The following TFDP2 variants were observed in gnomAD, a reference collection of about 807,000 sequenced individuals.
The protein encoded by TFDP2 is transcription factor Dp-2.
A neutral mutation model predicts 59.3 loss-of-function variants in TFDP2; 17 were observed. The ratio of observed to expected loss-of-function variants is 0.29; its 90% CI spans 0.20 to 0.43. The LOEUF is 0.43. Among genes scored for constraint, TFDP2 ranks in the 20% least tolerant of loss-of-function variants. The pLI is 1.00. For synonymous variants in TFDP2, 180 were observed against 194.7 expected (o/e 0.92, Z 0.63); for missense variants, 391 against 528.8 (o/e 0.74, Z 2.56).
At chr3:142,095,992 T>G (rs988791525) in intron 2 of TFDP2, among the ~76,000 whole-genome samples, 1 of 152,186 alleles carries the variant, frequency 6.6e-6, no homozygotes, top group African/African-American at 2.4e-5. Context: ...AAACCACATA[T>G]TCATAATAGA....
intron 3 of TFDP2, among the ~76,000 whole-genome samples, chr3:142,041,965 A>G (rs1377713099): frequency 6.6e-6 from 1 of 152,134 alleles, no homozygotes; most frequent in Non-Finnish European, 1.5e-5. Flanking sequence ...TCAGGTGACT[A>G]TATTTGGGTG....
rs192120338 is a variant in TFDP2 at position 141,959,738 on chromosome 3, G to C, written c.987C>G (p.Cys329Trp). ...GMSFGLESGK[C>W]SLEDLKLAKS... ...TCGCAAGTTTCAGATCCTCCAGAGA[G>C]CATTTGCCTGACTCCAGGCCAAACG... Residue 329 changes from cysteine (C) to tryptophan (W), a missense_variant, in exon 11 of 13, where the codon TGC (cysteine) becomes TGG (tryptophan). Coordinates refer to ENST00000489671, the MANE Select transcript of TFDP2 (RefSeq NM_001178139.2). 4 of 1,614,142 alleles carry C rather than the reference G, an allele frequency of 2.5e-6. No homozygotes were observed. In the African/African-American group the frequency reaches 5.3e-5, roughly 22 times the overall value.
chr3:142,053,267 T>C (rs1413563589), intron 3 of TFDP2, among the ~76,000 whole-genome samples: 1 of 152,128 alleles, frequency 6.6e-6, no homozygotes. Flanking sequence ...GTTTGGGTCA[T>C]GGGGGAGGAT....
chr3:141,983,047 A>G (rs185756516), intron 6 of TFDP2, among the ~76,000 whole-genome samples: 1 of 152,348 alleles, frequency 6.6e-6, no homozygotes, highest in East Asian at 1.9e-4. Context: ...TAGAATTTTC[A>G]TAAGCAATAT....
chr3:142,065,838 A>G (rs1218599578), intron 3 of TFDP2, among the ~76,000 whole-genome samples: 4 of 152,028 alleles, frequency 2.6e-5, no homozygotes, highest in Admixed American at 2.6e-4. Context: ...TATTGCTTAT[A>G]CCTATTACTC....
At position 141,952,521 on chromosome 3, in the gene TFDP2, G is replaced by C; in HGVS notation, c.1333C>G (p.Pro445Ala). The stretch of plus-strand genomic sequence containing the variant: ...TAGGCTTTCTCTTGTCTTTATTCTG[G>C]GGAGGAGGAATCCTCCTCATCATCT... ...EEDDEEDSSS[P>A]E Residue 445 changes from proline to alanine, a missense_variant, in exon 13 of 13, where the codon CCA (proline) becomes GCA (alanine). Coordinates refer to ENST00000489671, the MANE Select transcript of TFDP2 (RefSeq NM_001178139.2). 6.5e-7 allele frequency: 1 copy of C among 1,538,368 alleles called. No homozygotes were observed. The highest frequency in any genetic ancestry group is 8.7e-7 in the Non-Finnish European group (1 of 1,151,212).
chr3:142,071,031 G>A (rs2060228857), intron 3 of TFDP2, among the ~76,000 whole-genome samples: 2 of 152,158 alleles, frequency 1.3e-5, no homozygotes. Flanking sequence ...CAGACCCAGA[G>A]AGGAGCATAT....
chr3:142,042,900 C>T (rs1238679230), intron 3 of TFDP2, among the ~76,000 whole-genome samples: 2 of 150,572 alleles, frequency 1.3e-5, no homozygotes, highest in Non-Finnish European at 3.0e-5. Flanking sequence ...CCACCATGCC[C>T]GACTAATTTT....
At chr3:142,140,993 G>A (rs2062932159) in intron 1 of TFDP2, among the ~76,000 whole-genome samples, 1 of 152,242 alleles carries the variant, frequency 6.6e-6, no homozygotes, top group Admixed American at 6.5e-5. Context: ...TATAGAGGCA[G>A]TAGGCCTTGC....
intron 9 of TFDP2, among the ~76,000 whole-genome samples, chr3:141,969,241 A>G (rs1463316847): frequency 3.5e-5 from 4 of 112,718 alleles, no homozygotes; most frequent in Non-Finnish European, 6.9e-5. Flanking sequence ...AGATATATAT[A>G]TATATAACAT....
At chr3:142,059,447 T>C (rs2059844748) in intron 3 of TFDP2, among the ~76,000 whole-genome samples, 1 of 152,244 alleles carries the variant, frequency 6.6e-6, no homozygotes, top group Admixed American at 6.5e-5. Flanking sequence ...TAGCTGTCTT[T>C]TCTAATACCA....
At chr3:142,058,434 C>A (rs1038608528) in intron 3 of TFDP2, among the ~76,000 whole-genome samples, 1 of 151,878 alleles carries the variant, frequency 6.6e-6, no homozygotes, top group African/African-American at 2.4e-5. Flanking sequence ...TAGCCCAGAC[C>A]TCACAGACTA....
intron 3 of TFDP2, among the ~76,000 whole-genome samples, chr3:142,023,213 CTTG>C (rs372780497): frequency 1.2e-4 from 18 of 150,350 alleles, no homozygotes; most frequent in Middle Eastern, 3.4e-3. Flanking sequence ...GAGATAGAGT[CTTG>C]TTGTGTCACC....
chr3:141,952,235 GC>G lies in TFDP2; in HGVS notation c.*277del. On this transcript the variant is annotated 3_prime_UTR_variant, in exon 13 of 13. Transcript: ENST00000489671. ...AAGATAAATGAGTTGCACTCACACTGCCAACTCTTCAGGGATTATCCCCACT... is the reference window on the plus strand; with the variant it reads ...AAGATAAATGAGTTGCACTCACACTGCAACTCTTCAGGGATTATCCCCACT... 3.5e-6 allele frequency: 1 copy of G among 283,214 alleles called. No homozygotes were observed. The highest frequency in any genetic ancestry group is 6.4e-6 in the Non-Finnish European group (1 of 155,612). 17.5% of individuals were successfully genotyped at this position (283,214 alleles called of 1,614,324 possible).
intron 1 of TFDP2, among the ~76,000 whole-genome samples, chr3:142,128,996 CT>C (rs1381067095): frequency 6.6e-6 from 1 of 151,826 alleles, no homozygotes; most frequent in African/African-American, 2.4e-5. Flanking sequence ...ATAAATTAGT[CT>C]GTCAAATGCT....
intron 3 of TFDP2, among the ~76,000 whole-genome samples, chr3:142,030,989 G>A (rs1481125719): frequency 6.6e-6 from 1 of 151,802 alleles, no homozygotes; most frequent in Non-Finnish European, 1.5e-5. Flanking sequence ...TGATCCGCCC[G>A]CCTCGGCCTC....
At chr3:141,969,679 A>T (rs4683654) in intron 9 of TFDP2, among the ~76,000 whole-genome samples, 11,357 of 152,256 alleles carry the variant, frequency 0.075, 528 homozygotes, top group Non-Finnish European at 0.11. Flanking sequence ...GATAAAATTA[A>T]GTATTACAGG....
At chr3:142,061,565 CA>C (rs1204566595) in intron 3 of TFDP2, among the ~76,000 whole-genome samples, 1 of 151,974 alleles carries the variant, frequency 6.6e-6, no homozygotes, top group East Asian at 1.9e-4. Flanking sequence ...CCAAAGAGAA[CA>C]AAAAGGCAAC....
At chr3:142,089,351 A>G (rs1450220607) in intron 3 of TFDP2, among the ~76,000 whole-genome samples, 1 of 152,196 alleles carries the variant, frequency 6.6e-6, no homozygotes, top group African/African-American at 2.4e-5. Context: ...AAAATAAGCT[A>G]ACTTGAAGAC....
Sources: gnomAD v4.1 joint callset for allele counts (sites outside exome capture counted in the v4.1 genomes callset) on GRCh38, gnomAD v4.1.1 for gene constraint, MANE v1.5 for transcripts, NCBI Gene and HGNC (gene_info 2026-07-23, HGNC 2026-07-21) for gene names.